The following JUP variants were observed in gnomAD, a reference collection of about 807,000 sequenced individuals.
JUP encodes catenin (cadherin-associated protein), gamma 80kDa.
Under a neutral mutation model 71.1 loss-of-function variants are expected in JUP, and 28 were observed. The ratio of observed to expected loss-of-function variants is 0.39; its 90% confidence interval spans 0.29 to 0.54. The LOEUF is 0.54. Among genes scored for constraint, JUP ranks in the 20% least tolerant of loss-of-function variants. JUP has a pLI of 0.62. For synonymous variants in JUP, 401 were observed against 438.9 expected, an observed-to-expected ratio of 0.91 and a Z score of 1.08; for missense variants, 869 against 1,030.1, an observed-to-expected ratio of 0.84 and a Z score of 2.14.
At chr17:41,772,144 G>A in intron 1 of JUP, 1 of 524,704 alleles carries the variant, frequency 1.9e-6, no homozygotes, top group South Asian at 2.0e-5. Context: ...AGCCCCAGGG[G>A]GCAGGACAGT....
chr17:41,766,114 C>T (rs1915670892), intron 5 of JUP, among the ~76,000 whole-genome samples: 1 of 152,004 alleles, frequency 6.6e-6, no homozygotes, highest in Non-Finnish European at 1.5e-5. Context: ...CTAATTAGCT[C>T]AGTAGTATGT....
intron 8 of JUP, among the ~76,000 whole-genome samples, chr17:41,761,424 A>G (rs1914788520): frequency 1.3e-5 from 2 of 152,170 alleles, no homozygotes; most frequent in East Asian, 1.9e-4. Context: ...TGGGGATGAT[A>G]CAGTCCACTC....
At chr17:41,772,913 G>A in intron 1 of JUP, 1 of 985,412 alleles carries the variant, frequency 1.0e-6, no homozygotes, top group South Asian at 4.7e-5. Flanking sequence ...GAACTGACCT[G>A]CAGAGGTCAG....
chr17:41,771,695 T>C lies in JUP; in HGVS notation c.160A>G (p.Thr54Ala), dbSNP rs781784933. Residue 54 changes from threonine to alanine, a missense_variant, in exon 2 of 14, where the codon ACG (threonine) becomes GCG (alanine). Physicochemically the swap from Thr to Ala is moderately conservative, Grantham distance 58 (BLOSUM62 0). Transcript: ENST00000393931. ...EEDEACGRQYTLKKTTTYTQG... is the reference protein window; with the variant it reads ...EEDEACGRQYALKKTTTYTQG... Reference sequence around the variant, plus strand: ...GTGTAAGTGGTGGTTTTCTTGAGCGTGTACTGGCGCCCGCAGGCCTCATCC... The same window carrying C: ...GTGTAAGTGGTGGTTTTCTTGAGCGCGTACTGGCGCCCGCAGGCCTCATCC... 1.9e-6 allele frequency: 3 copies of C among 1,613,990 alleles called. No homozygotes were observed. In the African/African-American group the frequency reaches 4.0e-5, roughly 22 times the overall value.
intron 5 of JUP, among the ~76,000 whole-genome samples, chr17:41,766,215 G>A (rs1380393178): frequency 6.6e-6 from 1 of 151,856 alleles, no homozygotes; most frequent in African/African-American, 2.4e-5. Flanking sequence ...TCATGCCACT[G>A]CACTCTAGCC....
chr17:41,764,534 GAA>G (rs1555603054), intron 7 of JUP, among the ~76,000 whole-genome samples, 177 bp downstream of exon 7: 1 of 83,910 alleles, frequency 1.2e-5, no homozygotes, highest in African/African-American at 6.0e-5. Flanking sequence ...GACTCCGTCA[GAA>G]AAAAAAAAAA....
At chr17:41,783,042 A>G (rs1044204289) in intron 1 of JUP, among the ~76,000 whole-genome samples, 1 of 151,090 alleles carries the variant, frequency 6.6e-6, no homozygotes, top group African/African-American at 2.4e-5. Context: ...CGTTACAGTG[A>G]GCCGAGATCG....
intron 1 of JUP, among the ~76,000 whole-genome samples, chr17:41,775,151 C>A (rs2046821555): frequency 6.6e-6 from 1 of 151,044 alleles, no homozygotes; most frequent in Admixed American, 6.6e-5. Context: ...AGCTCTGCCA[C>A]AAACTTGCTG....
rs781905238 is a variant in JUP at position 41,769,105 on chromosome 17, G to A, written c.571C>T (p.Arg191Cys). 21 of 1,612,070 alleles carry A rather than the reference G, an allele frequency of 1.3e-5. No individual in the cohort carries two copies. The highest frequency in any genetic ancestry group is 1.6e-4 in the Middle Eastern group (1 of 6,074). The change falls in exon 4 of 14, where the codon CGT becomes TGT. Residue 191 changes from arginine (R) to cysteine (C), a missense_variant. Physicochemically the swap from Arg to Cys is radical, Grantham distance 180. Coordinates refer to ENST00000393931, the MANE Select transcript of JUP (RefSeq NM_002230.4). ...GSPQLVAAVV[R>C]TMQNTSDLDT... ...AGGTCGCTGGTATTCTGCATGGTAC[G>A]CACGACAGCGGCCACCAGCTGGGGC...
chr17:41,773,319 A>G (rs1916944477), intron 1 of JUP, among the ~76,000 whole-genome samples: 1 of 152,186 alleles, frequency 6.6e-6, no homozygotes, highest in African/African-American at 2.4e-5. Context: ...CTGGCCCTCC[A>G]GGAGGATGAC....
chr17:41,780,646 G>GACTGCACT (rs1482822469), intron 1 of JUP, among the ~76,000 whole-genome samples: 2 of 151,332 alleles, frequency 1.3e-5, no homozygotes, highest in South Asian at 2.1e-4. Context: ...AGTGAGCCAA[G>GACTGCACT]ACTGCACTAC....
intron 1 of JUP, among the ~76,000 whole-genome samples, chr17:41,779,207 G>A (rs1362089443): frequency 2.0e-5 from 3 of 149,326 alleles, no homozygotes; most frequent in Non-Finnish European, 3.0e-5. Flanking sequence ...CTGTACTCCA[G>A]CCTGGGCAAC....
intron 4 of JUP, 125 bp downstream of exon 4, chr17:41,768,843 AT>A (rs1274295938): frequency 3.8e-6 from 3 of 782,948 alleles, no homozygotes; most frequent in African/African-American, 1.7e-5. Flanking sequence ...GAGCACCCGG[AT>A]GGGGTGTGCT....
chr17:41,777,096 G>C (rs1246853314), intron 1 of JUP, among the ~76,000 whole-genome samples: 1 of 152,234 alleles, frequency 6.6e-6, no homozygotes, highest in Non-Finnish European at 1.5e-5. Flanking sequence ...GTCTGGGGGA[G>C]CCCTGGCTGC....
chr17:41,776,734 C>T (rs1002447100), intron 1 of JUP, among the ~76,000 whole-genome samples: 1 of 152,048 alleles, frequency 6.6e-6, no homozygotes, highest in South Asian at 2.1e-4. Flanking sequence ...GGGCCAGGCG[C>T]GGTGGCTCAC....
intron 1 of JUP, among the ~76,000 whole-genome samples, chr17:41,781,858 G>T (rs934892129): frequency 6.6e-6 from 1 of 152,150 alleles, no homozygotes; most frequent in African/African-American, 2.4e-5. Flanking sequence ...TGTCTAGACT[G>T]CGTCCCTTCA....
intron 8 of JUP, among the ~76,000 whole-genome samples, chr17:41,760,699 T>C (rs1555600775): frequency 6.6e-6 from 1 of 152,160 alleles, no homozygotes; most frequent in Admixed American, 6.6e-5. Flanking sequence ...TAGCTGAGAT[T>C]ACAGGCACAT....
chr17:41,762,704 G>C (rs958715914), intron 8 of JUP, among the ~76,000 whole-genome samples: 1 of 152,084 alleles, frequency 6.6e-6, no homozygotes, highest in Non-Finnish European at 1.5e-5. Context: ...CCTGGCCCTG[G>C]AACCTGCAAT....
intron 5 of JUP, among the ~76,000 whole-genome samples, chr17:41,765,960 A>AAATGCTATC (rs1420575157): frequency 6.6e-6 from 1 of 152,196 alleles, no homozygotes; most frequent in African/African-American, 2.4e-5. Flanking sequence ...CCACTTAATG[A>AAATGCTATC]AATGCTATCT....
Sources: gnomAD v4.1 joint callset for allele counts (sites outside exome capture counted in the v4.1 genomes callset) on GRCh38, gnomAD v4.1.1 for gene constraint, MANE v1.5 for transcripts, NCBI Gene and HGNC (gene_info 2026-07-23, HGNC 2026-07-21) for gene names.